The following PRKG1 variants were observed in gnomAD, a reference collection of about 807,000 sequenced individuals.
The protein encoded by PRKG1 is protein kinase cGMP-dependent 1, also known as cGMP-dependent protein kinase 1.
PRKG1 carries 35 observed loss-of-function variants against 88.1 expected under a neutral mutation model. The observed-to-expected ratio is 0.40, with a 90% CI of 0.30 to 0.53. The LOEUF is 0.53. PRKG1 is among the 20% of genes least tolerant of loss of function. The probability of loss-of-function intolerance (pLI) is 0.59; values close to 1 mark genes in which losing one functional copy is unlikely to be tolerated. For synonymous variants in PRKG1, 303 were observed against 292.5 expected, an observed-to-expected ratio of 1.04 and a Z score of -0.37; for missense variants, 540 against 839.8, an observed-to-expected ratio of 0.64 and a Z score of 4.41.
chr10:52,128,656 G>T (rs1246856939), intron 7 of PRKG1: 1 of 824,520 alleles, frequency 1.2e-6, no homozygotes, highest in Non-Finnish European at 1.5e-6. Context: ...CTTAAAAAGA[G>T]GCCACTACTA....
At chr10:51,182,245 T>C (rs1837367172) in intron 2 of PRKG1, among the ~76,000 whole-genome samples, 1 of 152,172 alleles carries the variant, frequency 6.6e-6, no homozygotes, top group Admixed American at 6.5e-5. Context: ...GAATGAAAAA[T>C]CTGCTATGGA....
intron 3 of PRKG1, among the ~76,000 whole-genome samples, chr10:51,710,123 A>G (rs1382057807): frequency 6.6e-6 from 1 of 152,276 alleles, no homozygotes; most frequent in Non-Finnish European, 1.5e-5. Context: ...AGGAAACTTT[A>G]TCATTAGCCT....
At chr10:52,080,265 C>T (rs1055118863) in intron 7 of PRKG1, among the ~76,000 whole-genome samples, 1 of 152,118 alleles carries the variant, frequency 6.6e-6, no homozygotes, top group Non-Finnish European at 1.5e-5. Flanking sequence ...TCCTGCTCAT[C>T]CTTCTTGATT....
chr10:51,339,542 AAAAAG>A (rs1294329841), intron 2 of PRKG1, among the ~76,000 whole-genome samples: 4 of 151,952 alleles, frequency 2.6e-5, no homozygotes, highest in Non-Finnish European at 5.9e-5. Context: ...TTAGAAAACA[AAAAAG>A]AAAGTAAATA....
At chr10:52,153,622 A>G (rs571539948) in intron 8 of PRKG1, among the ~76,000 whole-genome samples, 2 of 152,310 alleles carry the variant, frequency 1.3e-5, no homozygotes, top group Admixed American at 6.5e-5. Flanking sequence ...TAGCTGTTTT[A>G]TGTTTTGTTT....
At chr10:51,813,404 A>T (rs1289032228) in intron 4 of PRKG1, among the ~76,000 whole-genome samples, 2 of 152,228 alleles carry the variant, frequency 1.3e-5, no homozygotes, top group African/African-American at 4.8e-5. Flanking sequence ...AAAATGTAGT[A>T]AACCCTCCCA....
chr10:51,139,758 T>C (rs928794172), intron 1 of PRKG1, among the ~76,000 whole-genome samples: 4 of 152,208 alleles, frequency 2.6e-5, no homozygotes, highest in African/African-American at 9.6e-5. Flanking sequence ...TACTTGAAAA[T>C]AGTGCAATAG....
intron 17 of PRKG1, among the ~76,000 whole-genome samples, chr10:52,292,088 G>A (rs1039293430): frequency 3.3e-5 from 5 of 152,208 alleles, no homozygotes; most frequent in African/African-American, 4.8e-5. Context: ...CATGTCCTTG[G>A]CCCACTTTTT....
intron 1 of PRKG1, among the ~76,000 whole-genome samples, chr10:51,061,060 G>GGTGT (rs71029344): frequency 4.8e-5 from 7 of 147,042 alleles, no homozygotes; most frequent in South Asian, 2.2e-4. Flanking sequence ...TATACCTAGG[G>GGTGT]GTGTGTGTGT....
chr10:51,426,227 G>A (rs945627655), intron 2 of PRKG1, among the ~76,000 whole-genome samples: 1 of 152,242 alleles, frequency 6.6e-6, no homozygotes, highest in South Asian at 2.1e-4. Flanking sequence ...GTTGCAGGGA[G>A]CCGAGATCAT....
At chr10:52,181,182 C>A (rs1839015927) in intron 9 of PRKG1, among the ~76,000 whole-genome samples, 1 of 152,090 alleles carries the variant, frequency 6.6e-6, no homozygotes, top group Admixed American at 6.6e-5. Flanking sequence ...TTGGTTCAGT[C>A]CAGGAATGTG....
intron 3 of PRKG1, among the ~76,000 whole-genome samples, chr10:51,730,306 A>G (rs74132585): frequency 0.029 from 4,414 of 152,272 alleles, 195 homozygotes; most frequent in African/African-American, 0.098. Flanking sequence ...AATGGCTTTT[A>G]CTGTTTAATA....
At chr10:52,064,032 T>C (rs1846298930) in intron 7 of PRKG1, among the ~76,000 whole-genome samples, 1 of 152,212 alleles carries the variant, frequency 6.6e-6, no homozygotes, top group Admixed American at 6.5e-5. Context: ...TCCATGGGAC[T>C]GGCAGCCTGG....
chr10:51,174,100 T>G (rs937100097), intron 2 of PRKG1, among the ~76,000 whole-genome samples: 1 of 151,866 alleles, frequency 6.6e-6, no homozygotes, highest in Non-Finnish European at 1.5e-5. Flanking sequence ...CACAAAAATA[T>G]AAGTATGTGA....
intron 2 of PRKG1, among the ~76,000 whole-genome samples, chr10:51,446,207 C>G (rs76866600): frequency 6.6e-6 from 1 of 151,854 alleles, no homozygotes; most frequent in Non-Finnish European, 1.5e-5. Flanking sequence ...AGTGTAATGA[C>G]GTACATCCTA....
chr10:51,684,862 G>A (rs980817467), intron 3 of PRKG1, among the ~76,000 whole-genome samples: 1 of 151,918 alleles, frequency 6.6e-6, no homozygotes, highest in Non-Finnish European at 1.5e-5. Context: ...GAGAGATCTT[G>A]TCTCGATTAA....
rs529614464 is a variant in PRKG1 at position 51,832,902 on chromosome 10, T to C, written c.698+28212T>C. ...CAGAGGAATAGGTGAAAAGTCTATC[T>C]GGGTTTAATGCTCTAGTTATGGAAA... On this transcript the variant is annotated intron_variant, in intron 4 of 17. Coordinates refer to ENST00000373980, the MANE Select transcript of PRKG1 (RefSeq NM_006258.4). Among the ~76,000 whole-genome samples, 60 of 152,278 alleles carry C rather than the reference T, an allele frequency of 3.9e-4. No homozygotes were observed. The South Asian group carries it at 0.012, about 31-fold the overall frequency.
chr10:51,719,364 AC>A (rs1410894048), intron 3 of PRKG1, among the ~76,000 whole-genome samples: 1 of 152,196 alleles, frequency 6.6e-6, no homozygotes, highest in African/African-American at 2.4e-5. Context: ...GGTTAATGTT[AC>A]CCAACATGAT....
At chr10:51,183,910 A>G (rs1355724425) in intron 2 of PRKG1, among the ~76,000 whole-genome samples, 1 of 152,200 alleles carries the variant, frequency 6.6e-6, no homozygotes, top group Non-Finnish European at 1.5e-5. Flanking sequence ...TTTGGCAGAC[A>G]TAGCCAATCA....
Sources: allele counts gnomAD v4.1 joint callset (sites outside exome capture counted in the v4.1 genomes callset), GRCh38; gene constraint gnomAD v4.1.1; transcripts MANE v1.5; gene names NCBI Gene and HGNC (gene_info 2026-07-23, HGNC 2026-07-21).